The following DLGAP2 variants were observed in gnomAD, a reference collection of about 807,000 sequenced individuals.
DLGAP2 encodes DLG associated protein 2.
Under a neutral mutation model 100.3 loss-of-function variants are expected in DLGAP2, and 26 were observed. The ratio of observed to expected loss-of-function variants is 0.26; its 90% CI spans 0.19 to 0.36. DLGAP2 has a LOEUF of 0.36. DLGAP2 is among the 10% of genes least tolerant of loss of function. The pLI, the probability that DLGAP2 is intolerant of heterozygous loss-of-function variation, is 1.00. For synonymous variants in DLGAP2, 886 were observed against 630.1 expected, an observed-to-expected ratio of 1.41 and a Z score of -6.08; for missense variants, 1,858 against 1,453.2, an observed-to-expected ratio of 1.28 and a Z score of -4.53.
At chr8:1,058,670 G>T (rs1563169105) in intron 2 of DLGAP2, among the ~76,000 whole-genome samples, 1 of 152,348 alleles carries the variant, frequency 6.6e-6, no homozygotes, top group African/African-American at 2.4e-5. Context: ...TTAACCTGTT[G>T]TCATGTATGT....
chr8:1,434,463 T>C (rs758080432), intron 3 of DLGAP2, among the ~76,000 whole-genome samples: 1 of 150,960 alleles, frequency 6.6e-6, no homozygotes, highest in Non-Finnish European at 1.5e-5. Context: ...CTCCCGGGAG[T>C]GTCAGCATTT....
intron 2 of DLGAP2, among the ~76,000 whole-genome samples, chr8:995,476 T>G (rs563668953): frequency 6.6e-6 from 1 of 152,362 alleles, no homozygotes; most frequent in African/African-American, 2.4e-5. Flanking sequence ...ATTTAATAGT[T>G]TTCGTCTTAT....
intron 2 of DLGAP2, among the ~76,000 whole-genome samples, chr8:922,829 C>G (rs1798742529): frequency 6.6e-6 from 1 of 152,184 alleles, no homozygotes; most frequent in Non-Finnish European, 1.5e-5. Context: ...GGCCACTGTT[C>G]TCTCAGGTGT....
At chr8:798,404 G>T (rs535402608) in intron 1 of DLGAP2, among the ~76,000 whole-genome samples, 2 of 145,428 alleles carry the variant, frequency 1.4e-5, no homozygotes, top group African/African-American at 5.1e-5. Context: ...GCCTGCTTCC[G>T]TTGGCACTGA....
intron 3 of DLGAP2, among the ~76,000 whole-genome samples, chr8:1,298,026 C>T (rs1267142646): frequency 3.4e-5 from 1 of 29,402 alleles, no homozygotes. Flanking sequence ...GGAGGAGAAA[C>T]GTGGCAGGCG....
At chr8:1,450,877 C>A (rs1269555207) in intron 3 of DLGAP2, among the ~76,000 whole-genome samples, 2 of 152,098 alleles carry the variant, frequency 1.3e-5, no homozygotes, top group East Asian at 3.9e-4. Flanking sequence ...AAAAGAGACA[C>A]CGTAATAAAC....
intron 3 of DLGAP2, among the ~76,000 whole-genome samples, chr8:1,469,232 G>C (rs962167577): frequency 2.6e-5 from 4 of 152,242 alleles, no homozygotes; most frequent in African/African-American, 9.6e-5. Context: ...ACAGTGAAGG[G>C]TGGCTGTGGC....
intron 3 of DLGAP2, among the ~76,000 whole-genome samples, chr8:1,450,978 G>T (rs141633706): frequency 1.4e-4 from 22 of 152,088 alleles, no homozygotes; most frequent in African/African-American, 4.6e-4. Context: ...CCTCGTAAGG[G>T]CGCCAGTGAC....
At chr8:1,553,617 A>G (rs962021569) in intron 5 of DLGAP2, among the ~76,000 whole-genome samples, 4 of 152,184 alleles carry the variant, frequency 2.6e-5, no homozygotes, top group Admixed American at 1.3e-4. Flanking sequence ...AGCCCTGAGC[A>G]TTCCCTCCCT....
chr8:1,580,323 T>C (rs1803180612), intron 6 of DLGAP2, among the ~76,000 whole-genome samples: 1 of 152,144 alleles, frequency 6.6e-6, no homozygotes, highest in Non-Finnish European at 1.5e-5. Flanking sequence ...ATGGGGTTCA[T>C]GGTTTCAGAA....
chr8:1,432,423 G>A (rs1308996111), intron 3 of DLGAP2, among the ~76,000 whole-genome samples: 1 of 152,192 alleles, frequency 6.6e-6, no homozygotes, highest in Admixed American at 6.5e-5. Flanking sequence ...GCCCAACCAA[G>A]GAAGCCACAG....
chr8:1,280,578 C>T lies in DLGAP2; in HGVS notation c.106+21695C>T, dbSNP rs190998768. ...TTAAAGAACTTCATGGGAGAAGTGA[C>T]ACTTGATGTGTGTCTTGAGGAGTAA... On this transcript the variant is annotated intron_variant, in intron 3 of 14. Transcript: ENST00000637795. 1.5e-4 allele frequency among the ~76,000 whole-genome samples: 23 copies of T among 152,284 alleles called. No homozygotes were observed. In the East Asian group the frequency reaches 4.3e-3, roughly 28 times the overall value.
At chr8:1,037,639 A>G (rs1474228565) in intron 2 of DLGAP2, among the ~76,000 whole-genome samples, 1 of 152,214 alleles carries the variant, frequency 6.6e-6, no homozygotes, top group Non-Finnish European at 1.5e-5. Flanking sequence ...ATGCTGACAC[A>G]GTGTTTAGTG....
intron 1 of DLGAP2, among the ~76,000 whole-genome samples, chr8:763,926 T>G: frequency 6.6e-6 from 1 of 152,210 alleles, no homozygotes; most frequent in East Asian, 1.9e-4. Flanking sequence ...CCTCATAAAG[T>G]GAAACCAATT....
At chr8:906,248 G>C (rs1332295290) in intron 1 of DLGAP2, among the ~76,000 whole-genome samples, 2 of 152,218 alleles carry the variant, frequency 1.3e-5, no homozygotes, top group African/African-American at 4.8e-5. Flanking sequence ...ATGGGACGTT[G>C]GCACAGAAAA....
At chr8:811,174 GTA>G (rs1190137830) in intron 1 of DLGAP2, among the ~76,000 whole-genome samples, 1 of 152,262 alleles carries the variant, frequency 6.6e-6, no homozygotes, top group African/African-American at 2.4e-5. Flanking sequence ...GCGCGAGCAA[GTA>G]ACCTGATTCA....
chr8:836,984 T>G (rs1440720500), intron 1 of DLGAP2, among the ~76,000 whole-genome samples: 1 of 152,206 alleles, frequency 6.6e-6, no homozygotes, highest in African/African-American at 2.4e-5. Flanking sequence ...AAAACAATGT[T>G]CTTCTCTTAC....
chr8:1,212,648 G>A (rs1368747757), intron 2 of DLGAP2, among the ~76,000 whole-genome samples: 1 of 152,064 alleles, frequency 6.6e-6, no homozygotes, highest in Non-Finnish European at 1.5e-5. Context: ...ACTTATATCT[G>A]GGTTTTGGAG....
At chr8:1,292,490 T>C (rs1800081868) in intron 3 of DLGAP2, among the ~76,000 whole-genome samples, 1 of 152,216 alleles carries the variant, frequency 6.6e-6, no homozygotes, top group Non-Finnish European at 1.5e-5. Context: ...AAGAAACAGC[T>C]CATCTCTTTC....
Sources: allele counts gnomAD v4.1 joint callset (sites outside exome capture counted in the v4.1 genomes callset), GRCh38; gene constraint gnomAD v4.1.1; transcripts MANE v1.5; gene names NCBI Gene and HGNC (gene_info 2026-07-23, HGNC 2026-07-21).